The following NEDD4L variants were observed in gnomAD, a reference collection of about 807,000 sequenced individuals.
NEDD4L encodes the protein E3 ubiquitin-protein ligase NEDD4-like.
Under a neutral mutation model 148.9 loss-of-function variants are expected in NEDD4L, and 54 were observed. The ratio of observed to expected loss-of-function variants is 0.36; its 90% CI spans 0.29 to 0.45. NEDD4L has a LOEUF of 0.45. NEDD4L is among the 20% of genes least tolerant of loss of function. The probability of loss-of-function intolerance (pLI) is 1.00; values close to 1 mark genes in which losing one functional copy is unlikely to be tolerated. For synonymous variants in NEDD4L, 433 were observed against 440.7 expected (o/e 0.98, Z 0.22); for missense variants, 856 against 1,233.8 (o/e 0.69, Z 4.59).
At chr18:58,127,788 C>T (rs1416332330) in intron 1 of NEDD4L, among the ~76,000 whole-genome samples, 7 of 137,806 alleles carry the variant, frequency 5.1e-5, no homozygotes, top group Non-Finnish European at 4.5e-5. Context: ...TTGCAGTGAG[C>T]GGACATAGTG....
chr18:58,234,096 TC>T (rs1181355041), intron 2 of NEDD4L, among the ~76,000 whole-genome samples: 2 of 86,428 alleles, frequency 2.3e-5, no homozygotes, highest in African/African-American at 1.2e-4. Flanking sequence ...TTTCTTTCTT[TC>T]TTTCTTTTCT....
chr18:58,071,970 T>C (rs1412408488), intron 1 of NEDD4L, among the ~76,000 whole-genome samples: 1 of 152,228 alleles, frequency 6.6e-6, no homozygotes, highest in Non-Finnish European at 1.5e-5. Context: ...AGGTGAGATT[T>C]GGGTGGGGAC....
chr18:58,239,081 T>A, intron 2 of NEDD4L, among the ~76,000 whole-genome samples: 1 of 152,238 alleles, frequency 6.6e-6, no homozygotes, highest in Admixed American at 6.5e-5. Context: ...AAACAAGTTG[T>A]CATTAACAAA....
intron 2 of NEDD4L, among the ~76,000 whole-genome samples, chr18:58,177,111 C>T (rs779482160): frequency 2.7e-5 from 4 of 149,936 alleles, no homozygotes; most frequent in Non-Finnish European, 5.9e-5. Context: ...CCTTCCTGCA[C>T]CTCTCCCTGA....
At chr18:58,258,829 T>C (rs765405427) in intron 5 of NEDD4L, among the ~76,000 whole-genome samples, 1 of 152,232 alleles carries the variant, frequency 6.6e-6, no homozygotes, top group Non-Finnish European at 1.5e-5. Context: ...CAACTTTGTA[T>C]GCATTTCATA....
chr18:58,337,476 G>A (rs2041919107), intron 13 of NEDD4L, among the ~76,000 whole-genome samples: 1 of 152,092 alleles, frequency 6.6e-6, no homozygotes, highest in Non-Finnish European at 1.5e-5. Flanking sequence ...GTATTGTCCT[G>A]GGCTGGAGCC....
intron 1 of NEDD4L, among the ~76,000 whole-genome samples, chr18:58,049,681 A>G (rs2081764773): frequency 6.6e-6 from 1 of 152,216 alleles, no homozygotes; most frequent in Non-Finnish European, 1.5e-5. Context: ...TGTTGTTTTA[A>G]AATTTGATTA....
intron 12 of NEDD4L, 137 bp downstream of exon 12, chr18:58,334,029 A>G (rs2041386208): frequency 7.3e-6 from 4 of 545,526 alleles, no homozygotes; most frequent in Admixed American, 3.6e-5. Context: ...TTCCTGGCCA[A>G]TTGCCCTAGG....
chr18:58,313,852 T>A (rs530122109), intron 5 of NEDD4L, among the ~76,000 whole-genome samples: 2 of 152,322 alleles, frequency 1.3e-5, no homozygotes, highest in African/African-American at 4.8e-5. Flanking sequence ...CATATAGATA[T>A]TTTGTGAAGT....
chr18:58,167,335 T>G (rs761978433), intron 2 of NEDD4L, among the ~76,000 whole-genome samples: 8 of 152,206 alleles, frequency 5.3e-5, no homozygotes, highest in Non-Finnish European at 1.2e-4. Flanking sequence ...CCTGCTTCCC[T>G]TCTCTTCCCT....
chr18:58,157,871 A>G (rs1230725069), intron 1 of NEDD4L, among the ~76,000 whole-genome samples: 2 of 152,260 alleles, frequency 1.3e-5, no homozygotes, highest in Non-Finnish European at 2.9e-5. Context: ...GACTGTAATT[A>G]TTGCATTGGG....
intron 19 of NEDD4L, chr18:58,357,478 G>A (rs755591927): frequency 1.5e-5 from 10 of 682,700 alleles, no homozygotes; most frequent in Non-Finnish European, 2.4e-5. Context: ...GCTTGATAAC[G>A]ACAGCAGAAT....
chr18:58,153,442 C>T lies in NEDD4L; in HGVS notation c.49-12346C>T, dbSNP rs532663050. On this transcript the variant is annotated intron_variant, in intron 1 of 30. Coordinates refer to ENST00000400345, the MANE Select transcript of NEDD4L (RefSeq NM_001144967.3). ...GCAACCTCCGCCTCCCAGGTTCCAGCGGTTCTCCTGCCTCAGCCTCCCGAG... is the reference window on the plus strand; with the variant it reads ...GCAACCTCCGCCTCCCAGGTTCCAGTGGTTCTCCTGCCTCAGCCTCCCGAG... Among the ~76,000 whole-genome samples, 8 of 151,146 alleles carry T rather than the reference C, an allele frequency of 5.3e-5. No homozygotes were observed. The South Asian group carries it at 1.3e-3, about 24-fold the overall frequency.
At chr18:58,084,686 TG>T (rs1246659748) in intron 1 of NEDD4L, among the ~76,000 whole-genome samples, 1 of 150,960 alleles carries the variant, frequency 6.6e-6, no homozygotes, top group Non-Finnish European at 1.5e-5. Flanking sequence ...TGTGTGTGTG[TG>T]TGTGTGTGTG....
chr18:58,045,327 C>G, intron 1 of NEDD4L: 1 of 394,344 alleles, frequency 2.5e-6, no homozygotes, highest in Non-Finnish European at 4.5e-6. Context: ...AGGCTGGTGG[C>G]AGGTGCTCCT....
chr18:58,295,725 G>T (rs2055461356), intron 5 of NEDD4L, among the ~76,000 whole-genome samples: 1 of 152,170 alleles, frequency 6.6e-6, no homozygotes, highest in Non-Finnish European at 1.5e-5. Flanking sequence ...TGTGAGGAAG[G>T]ATGATAGGAG....
At chr18:58,210,589 C>T (rs1324707425) in intron 2 of NEDD4L, among the ~76,000 whole-genome samples, 1 of 152,148 alleles carries the variant, frequency 6.6e-6, no homozygotes, top group African/African-American at 2.4e-5. Flanking sequence ...GCTGGGATTA[C>T]AGGCATGTGC....
At chr18:58,335,414 C>G (rs2041608235) in intron 12 of NEDD4L, 64 bp from the exon 13 acceptor site, 5 of 1,370,776 alleles carry the variant, frequency 3.6e-6, no homozygotes, top group Admixed American at 1.7e-5. Context: ...GCAGTGGGCC[C>G]TGATTCAGAC....
intron 1 of NEDD4L, among the ~76,000 whole-genome samples, chr18:58,139,686 A>G (rs2033270428): frequency 2.0e-5 from 3 of 152,194 alleles, no homozygotes. Context: ...TCATTCTGGT[A>G]GAGCCATAGA....
Sources: allele counts gnomAD v4.1 joint callset (sites outside exome capture counted in the v4.1 genomes callset), GRCh38; gene constraint gnomAD v4.1.1; transcripts MANE v1.5; gene names NCBI Gene and HGNC (gene_info 2026-07-23, HGNC 2026-07-21).